The following ANKDD1B variants were observed in gnomAD, a reference collection of about 807,000 sequenced individuals.
ANKDD1B encodes the protein ankyrin repeat and death domain-containing protein 1B.
A neutral mutation model predicts 59.7 loss-of-function variants in ANKDD1B; 57 were observed. That is an observed-to-expected ratio of 0.95 (90% confidence interval 0.77 to 1.19). The LOEUF is 1.19. Ranked by LOEUF, ANKDD1B falls within the 50% of genes most tolerant of loss-of-function variation. The probability of loss-of-function intolerance (pLI) is 0.00; values close to 1 mark genes in which losing one functional copy is unlikely to be tolerated. For missense variants in ANKDD1B, 602 were observed against 641.9 expected, an observed-to-expected ratio of 0.94 and a Z score of 0.67; for synonymous variants, 216 against 239.5, an observed-to-expected ratio of 0.90 and a Z score of 0.91.
chr5:75,632,461 T>C (rs1022566046), intron 5 of ANKDD1B, among the ~76,000 whole-genome samples: 2 of 152,142 alleles, frequency 1.3e-5, no homozygotes, highest in African/African-American at 2.4e-5. Context: ...AGAATAAAAA[T>C]AGGATAAGCC....
At chr5:75,626,731 T>C (rs977893363) in intron 5 of ANKDD1B, among the ~76,000 whole-genome samples, 16 of 152,090 alleles carry the variant, frequency 1.1e-4, no homozygotes, top group African/African-American at 3.1e-4. Context: ...ACAGTGGGTA[T>C]TGGTCATGTC....
chr5:75,626,297 A>G (rs989471144), intron 5 of ANKDD1B, among the ~76,000 whole-genome samples: 7 of 152,216 alleles, frequency 4.6e-5, no homozygotes, highest in Non-Finnish European at 8.8e-5. Context: ...CCTTTTGGGA[A>G]TATATTTGAC....
At position 75,658,903 on chromosome 5, in the gene ANKDD1B, C is replaced by T. The variant is rs550105731; in HGVS notation, c.997-380C>T. Among the ~76,000 whole-genome samples, 5 of 152,238 alleles carry T rather than the reference C, an allele frequency of 3.3e-5. No individual in the cohort carries two copies. In the South Asian group the frequency reaches 6.2e-4, roughly 19 times the overall value. ...CATCTTCAGAACATTTTTCATCTTCCCAAACTGAAATTTTATATCTATTAA... is the reference window on the plus strand; with the variant it reads ...CATCTTCAGAACATTTTTCATCTTCTCAAACTGAAATTTTATATCTATTAA... On this transcript the variant is annotated intron_variant, in intron 9 of 13. Coordinates refer to ENST00000601380, the MANE Select transcript of ANKDD1B (RefSeq NM_001276713.2).
intron 7 of ANKDD1B, among the ~76,000 whole-genome samples, chr5:75,643,228 C>T (rs1336202892): frequency 2.1e-4 from 18 of 84,856 alleles, no homozygotes; most frequent in African/African-American, 1.3e-3. Context: ...TCACCAGCAA[C>T]GGAACAAAGC....
rs1267600480 is a variant in ANKDD1B at position 75,663,375 on chromosome 5, T to C, written c.1096-19T>C. 5.9e-6 allele frequency: 9 copies of C among 1,531,314 alleles called. No individual in the cohort carries two copies. Among genetic ancestry groups the C allele is most frequent in the Non-Finnish European group, 7.9e-6 (9 of 1,142,688 alleles). The allele number at this position is 1,531,314 out of a possible 1,614,324, so 94.9% of individuals were successfully genotyped here. On this transcript the variant is annotated intron_variant, in intron 10 of 13. Transcript: ENST00000601380. ...CACTAGGCCATATCACCTGAATTTT[T>C]TTTCTTTTTTAATTTTAGCAAGGAA... is the stretch of plus-strand genomic sequence containing the variant.
At chr5:75,632,121 A>AG (rs933392405) in intron 5 of ANKDD1B, among the ~76,000 whole-genome samples, 4 of 151,858 alleles carry the variant, frequency 2.6e-5, no homozygotes, top group African/African-American at 9.7e-5. Context: ...AAAAAAAAAA[A>AG]AAGAAGAAAA....
At chr5:75,650,641 G>T (rs1579964510) in intron 7 of ANKDD1B, among the ~76,000 whole-genome samples, 2 of 152,108 alleles carry the variant, frequency 1.3e-5, no homozygotes, top group South Asian at 4.1e-4. Context: ...TACTTGACAG[G>T]CCACATATCC....
At chr5:75,654,257 AC>A (rs1252866716) in intron 8 of ANKDD1B, among the ~76,000 whole-genome samples, 2 of 151,178 alleles carry the variant, frequency 1.3e-5, no homozygotes, top group Non-Finnish European at 2.9e-5. Context: ...CCATCCATCT[AC>A]CCCCATCTCC....
chr5:75,625,732 G>A lies in ANKDD1B; in HGVS notation c.482G>A (p.Arg161Lys). The A allele has an allele frequency of 1.3e-6, 2 of 1,536,336 alleles. No homozygotes were observed. Among genetic ancestry groups the A allele is most frequent in the Non-Finnish European group, 1.7e-6 (2 of 1,146,950 alleles). ...LMLVKAGADQ[R>K]AKNQDGMSAL... ...CTGGTTAAAGCTGGAGCAGACCAGA[G>A]AGCCAAGAATCAGGTAGGTATGTGG... Residue 161 changes from arginine to lysine, a missense_variant, in exon 4 of 14, where the codon AGA (arginine) becomes AAA (lysine). By Grantham distance (26) the Arg-to-Lys change is conservative. Coordinates refer to ENST00000601380, the MANE Select transcript of ANKDD1B (RefSeq NM_001276713.2).
At chr5:75,648,270 A>AAAAAAATT (rs1554068889) in intron 7 of ANKDD1B, among the ~76,000 whole-genome samples, 8 of 88,112 alleles carry the variant, frequency 9.1e-5, no homozygotes, top group East Asian at 6.9e-4. Flanking sequence ...AAAAAATTAA[A>AAAAAAATT]AAAAAAAAAA....
At chr5:75,623,021 G>A (rs1773897045) in intron 3 of ANKDD1B, among the ~76,000 whole-genome samples, 1 of 152,042 alleles carries the variant, frequency 6.6e-6, no homozygotes, top group South Asian at 2.1e-4. Context: ...TTACCTTTTA[G>A]GGAAAAATAG....
At chr5:75,629,479 T>G (rs1774090432) in intron 5 of ANKDD1B, among the ~76,000 whole-genome samples, 1 of 152,192 alleles carries the variant, frequency 6.6e-6, no homozygotes. Flanking sequence ...GGTTGAACTT[T>G]GGATACCCAC....
chr5:75,636,785 A>G (rs1278992604), intron 7 of ANKDD1B, among the ~76,000 whole-genome samples: 1 of 152,144 alleles, frequency 6.6e-6, no homozygotes. Flanking sequence ...ACTTGTGACC[A>G]GGACTTGGGG....
At chr5:75,633,053 A>C (rs1258636437) in intron 5 of ANKDD1B, among the ~76,000 whole-genome samples, 1 of 152,202 alleles carries the variant, frequency 6.6e-6, no homozygotes. Flanking sequence ...CTATTTGCAG[A>C]TATTGATATA....
chr5:75,612,322 C>CCCCCGCCCTCCGCCCAG (rs1554066233), intron 1 of ANKDD1B, among the ~76,000 whole-genome samples: 1 of 90,298 alleles, frequency 1.1e-5, no homozygotes, highest in African/African-American at 4.1e-5. Context: ...GCCCCCGCCC[C>CCCCCGCCCTCCGCCCAG]CCCCCGCCCT....
In ANKDD1B at chr5:75,611,819, A is replaced by G; in HGVS notation, c.185A>G (p.His62Arg). ...GAGGAGGACACAGCAGTTGCCGGAC[A>G]CGAGCTCCGTGAGTCCCGGGACGAG... is the stretch of plus-strand genomic sequence containing the variant. ...LGEEDTAVAG[H>R]ELLLPNERSF... Residue 62 changes from histidine (H) to arginine (R), a missense_variant, in exon 1 of 14, where the codon CAC becomes CGC. Physicochemically the swap from His to Arg is conservative, Grantham distance 29 (BLOSUM62 0). This residue lies in a region of ANKDD1B where 317 missense variants were observed against 304.6 expected (regional missense o/e 1.04). Coordinates refer to ENST00000601380, the MANE Select transcript of ANKDD1B (RefSeq NM_001276713.2). 1.6e-6 allele frequency: 2 copies of G among 1,231,926 alleles called. No individual in the cohort carries two copies. Among genetic ancestry groups the G allele is most frequent in the African/African-American group, 1.6e-5 (1 of 64,514 alleles). 76.3% of individuals were successfully genotyped at this position (1,231,926 alleles called of 1,614,324 possible).
intron 8 of ANKDD1B, among the ~76,000 whole-genome samples, chr5:75,655,798 G>A (rs1774959003): frequency 6.6e-6 from 1 of 152,210 alleles, no homozygotes; most frequent in African/African-American, 2.4e-5. Flanking sequence ...TAGGTGCTTA[G>A]TATGTTGTTC....
intron 5 of ANKDD1B, among the ~76,000 whole-genome samples, chr5:75,626,490 C>A (rs1463893289): frequency 1.3e-5 from 2 of 152,220 alleles, no homozygotes; most frequent in African/African-American, 2.4e-5. Context: ...TTGGGCCTGG[C>A]ACCTACCAAT....
chr5:75,653,969 G>A (rs1282256068), intron 8 of ANKDD1B, among the ~76,000 whole-genome samples: 2 of 152,232 alleles, frequency 1.3e-5, no homozygotes, highest in Non-Finnish European at 2.9e-5. Context: ...GGGTGGCCCC[G>A]GCAAGAAGGC....
Sources: gnomAD v4.1 joint callset for allele counts (sites outside exome capture counted in the v4.1 genomes callset) on GRCh38, gnomAD v4.1.1 for gene constraint, gnomAD v4.1.1 regional missense constraint, MANE v1.5 for transcripts, NCBI Gene and HGNC (gene_info 2026-07-23, HGNC 2026-07-21) for gene names.